FAM120B: variants seen among roughly 807,000 people sequenced by gnomAD.
FAM120B encodes family with sequence similarity 120 member B.
A neutral mutation model predicts 96.3 loss-of-function variants in FAM120B; 83 were observed. The observed-to-expected ratio is 0.86, with a 90% CI of 0.72 to 1.03. FAM120B has a LOEUF of 1.03. Ranked by LOEUF, FAM120B falls within the 50% of genes least tolerant of loss-of-function variation. The pLI, the probability that FAM120B is intolerant of heterozygous loss-of-function variation, is 0.00. For missense variants in FAM120B, 1,027 were observed against 1,121.2 expected, an observed-to-expected ratio of 0.92 and a Z score of 1.20; for synonymous variants, 407 against 402.7, an observed-to-expected ratio of 1.01 and a Z score of -0.13.
At position 170,323,226 on chromosome 6, in the gene FAM120B, C is replaced by T. The variant is rs370992831; in HGVS notation, c.1882C>T (p.Arg628Trp). ...CTTCATTTACCGTCCCATTCGACAGCGGGTCTACTCACTCTTACTGGAGGA... is the reference window on the plus strand; with the variant it reads ...CTTCATTTACCGTCCCATTCGACAGTGGGTCTACTCACTCTTACTGGAGGA... Reference protein sequence around the residue: ...QAFIYRPIRQRVYSLLLEDCQ... With the variant: ...QAFIYRPIRQWVYSLLLEDCQ... The change falls in exon 3 of 11, where the codon CGG (arginine) becomes TGG (tryptophan). Residue 628 changes from arginine (R) to tryptophan (W), a missense_variant. By Grantham distance (101) the Arg-to-Trp change is moderately radical. Coordinates refer to ENST00000476287, the MANE Select transcript of FAM120B (RefSeq NM_032448.3). 6.8e-6 allele frequency: 11 copies of T among 1,613,676 alleles called. No individual in the cohort carries two copies. The highest frequency in any genetic ancestry group is 2.2e-5 in the East Asian group (1 of 44,880).
At position 170,395,559 on chromosome 6, in the gene FAM120B, C is replaced by A. The variant is rs754518655; in HGVS notation, c.2672C>A (p.Pro891Gln). 6 of 1,595,504 alleles carry A rather than the reference C, an allele frequency of 3.8e-6. No homozygotes were observed. In the Admixed American group the frequency reaches 1.0e-4, roughly 28 times the overall value. ...SGYSRSSQGQ[P>Q]WRDQGPGSRQ... ...TATAGCCGTTCCAGTCAGGGACAGC[C>A]GTGGAGAGACCAGGGACCAGGTAAG... The change falls in exon 9 of 11, where the codon CCG becomes CAG. Residue 891 changes from proline (P) to glutamine (Q), a missense_variant. Transcript: ENST00000476287.
intron 4 of FAM120B, among the ~76,000 whole-genome samples, chr6:170,336,794 A>G (rs1370101887): frequency 2.0e-5 from 3 of 152,134 alleles, no homozygotes; most frequent in Non-Finnish European, 2.9e-5. Context: ...CTGTGTAGCA[A>G]TTGTGAATGG....
chr6:170,362,014 G>T (rs997945288), intron 6 of FAM120B, among the ~76,000 whole-genome samples: 1 of 152,180 alleles, frequency 6.6e-6, no homozygotes, highest in East Asian at 1.9e-4. Context: ...GGCTGGTCTT[G>T]AACTCCTGAC....
chr6:170,380,196 T>C (rs780777225), intron 6 of FAM120B, among the ~76,000 whole-genome samples: 32 of 152,164 alleles, frequency 2.1e-4, no homozygotes, highest in Non-Finnish European at 4.0e-4. Context: ...CTTTTTTTTT[T>C]AGTAGCTGAA....
Position 170,395,484 on chromosome 6 carries a change from C to A in FAM120B, c.2600-3C>A. Reference sequence around the variant, plus strand: ...CTAATCTTCTGACTATGTGTTCCCACAGGGAGGTGGGGAAGACAGGGCTCC... The same window carrying A: ...CTAATCTTCTGACTATGTGTTCCCAAAGGGAGGTGGGGAAGACAGGGCTCC... On this transcript the variant is annotated splice_region_variant and splice_polypyrimidine_tract_variant and intron_variant, in intron 8 of 10. Coordinates refer to ENST00000476287, the MANE Select transcript of FAM120B (RefSeq NM_032448.3). 6.3e-7 allele frequency: 1 copy of A among 1,585,992 alleles called. No individual in the cohort carries two copies. Among genetic ancestry groups the A allele is most frequent in the East Asian group, 2.3e-5 (1 of 43,568 alleles).
At chr6:170,312,938 G>C (rs993635694) in intron 1 of FAM120B, among the ~76,000 whole-genome samples, 1 of 152,142 alleles carries the variant, frequency 6.6e-6, no homozygotes, top group African/African-American at 2.4e-5. Context: ...ATCAAAGGTG[G>C]GTTCTCTTTA....
rs1206909420 is a variant in FAM120B at position 170,384,228 on chromosome 6, C to T, written c.2284-4059C>T. ...CACCAGGTTTTGAAATTGCCTAGAACCTGAATAAGGATTGTGGATGGCACT... is the reference window on the plus strand; with the variant it reads ...CACCAGGTTTTGAAATTGCCTAGAATCTGAATAAGGATTGTGGATGGCACT... On this transcript the variant is annotated intron_variant, in intron 6 of 10. Transcript: ENST00000476287. Among the ~76,000 whole-genome samples, 4 of 152,064 alleles carry T rather than the reference C, an allele frequency of 2.6e-5. No individual in the cohort carries two copies. The East Asian group carries it at 7.7e-4, about 29-fold the overall frequency.
intron 1 of FAM120B, among the ~76,000 whole-genome samples, chr6:170,296,530 T>C (rs561557620): frequency 2.6e-5 from 4 of 151,660 alleles, no homozygotes; most frequent in African/African-American, 9.7e-5. Flanking sequence ...GGCCGCCGCC[T>C]CGTGCGGGAC....
chr6:170,311,131 C>T (rs374711282), intron 1 of FAM120B, among the ~76,000 whole-genome samples: 1 of 152,354 alleles, frequency 6.6e-6, no homozygotes, highest in South Asian at 2.1e-4. Flanking sequence ...ACCTGGTTCA[C>T]GATGGACCAT....
chr6:170,295,540 G>A lies in FAM120B; in HGVS notation c.48+87G>A. 1 of 610,668 alleles carries A rather than the reference G, an allele frequency of 1.6e-6. No homozygotes were observed. Among genetic ancestry groups the A allele is most frequent in the Non-Finnish European group, 2.9e-6 (1 of 347,466 alleles). The allele number at this position is 610,668 out of a possible 1,614,324, so 37.8% of individuals were successfully genotyped here. A position where few individuals can be genotyped will look rare whatever the true frequency, so the allele number is the denominator to read the frequency against. On this transcript the variant is annotated intron_variant, in intron 1 of 10. Transcript: ENST00000537664. This position sits in a 1 kb window ranked among gnomAD's most constrained non-coding sequence, Gnocchi z 7.8. ...GGCAGGAGCGCGACCCCCGGCGCGG[G>A]CAGCTCTGCGCGAAGGTGGGCGACG...
At position 170,316,668 on chromosome 6, in the gene FAM120B, CCTT is replaced by C. The variant is rs762323353; in HGVS notation, c.-21-698_-21-696del. Among the ~76,000 whole-genome samples the C allele has an allele frequency of 1.4e-4, 21 of 152,294 alleles. 1 individual carries two copies. The East Asian group carries it at 2.5e-3, about 18-fold the overall frequency. On this transcript the variant is annotated intron_variant, in intron 1 of 10. Coordinates refer to ENST00000476287, the MANE Select transcript of FAM120B (RefSeq NM_032448.3). Reference sequence around the variant, plus strand: ...ATTTGGCATAGTGAATTTTATGTGGCCTTCTTAACACCTTTATTCAGGTGTATG... The same window carrying C: ...ATTTGGCATAGTGAATTTTATGTGGCCTTAACACCTTTATTCAGGTGTATG...
At chr6:170,299,261 A>G (rs753173070) in intron 1 of FAM120B, among the ~76,000 whole-genome samples, 4 of 152,050 alleles carry the variant, frequency 2.6e-5, no homozygotes, top group Non-Finnish European at 4.4e-5. Flanking sequence ...CATCATTTCT[A>G]CTTCTTCTTT....
chr6:170,354,964 CAT>C (rs1422271116), intron 5 of FAM120B, among the ~76,000 whole-genome samples: 3 of 152,006 alleles, frequency 2.0e-5, no homozygotes, highest in African/African-American at 2.4e-5. Flanking sequence ...AGCCAACAAA[CAT>C]ATGAAGAAAA....
chr6:170,317,262 G>A (rs1784956030), intron 1 of FAM120B, 108 bp from the exon 2 acceptor site: 1 of 839,822 alleles, frequency 1.2e-6, no homozygotes, highest in Non-Finnish European at 1.9e-6. Context: ...TTGGAGACAA[G>A]AGTGTTTTTG....
At chr6:170,390,851 C>G (rs1281671155) in intron 7 of FAM120B, among the ~76,000 whole-genome samples, 162 bp from the exon 8 acceptor site, 2 of 152,186 alleles carry the variant, frequency 1.3e-5, no homozygotes, top group Non-Finnish European at 2.9e-5. Context: ...TGAAGGAGAA[C>G]TGTGCTGCGG....
At chr6:170,374,097 AATGT>A (rs1789366913) in intron 6 of FAM120B, among the ~76,000 whole-genome samples, 1 of 152,202 alleles carries the variant, frequency 6.6e-6, no homozygotes. Flanking sequence ...GAGGAAACTG[AATGT>A]CTATAAAAAG....
At chr6:170,402,054 C>T (rs188042210) in intron 9 of FAM120B, among the ~76,000 whole-genome samples, 34 of 152,382 alleles carry the variant, frequency 2.2e-4, no homozygotes, top group African/African-American at 5.8e-4. Flanking sequence ...GCGTGTCCCA[C>T]GCTTCAGTCC....
intron 9 of FAM120B, chr6:170,404,327 A>G (rs1003046597): frequency 1.2e-5 from 6 of 511,926 alleles, no homozygotes; most frequent in Non-Finnish European, 2.1e-5. Context: ...CAACTTTGAC[A>G]TTGTTTCCTT....
chr6:170,401,300 C>T (rs1778570549), intron 9 of FAM120B, among the ~76,000 whole-genome samples: 1 of 152,138 alleles, frequency 6.6e-6, no homozygotes, highest in Non-Finnish European at 1.5e-5. Context: ...GCAGGCTGAG[C>T]TAAGCCTGAG....
Sources: gnomAD v4.1 joint callset for allele counts (sites outside exome capture counted in the v4.1 genomes callset) on GRCh38, gnomAD v4.1.1 for gene constraint, Gnocchi (gnomAD v3.1) non-coding constraint, MANE v1.5 for transcripts, NCBI Gene and HGNC (gene_info 2026-07-23, HGNC 2026-07-21) for gene names.